The following FHIT variants were observed in gnomAD, a reference collection of about 807,000 sequenced individuals.
The protein encoded by FHIT is bis(5'-adenosyl)-triphosphatase.
In FHIT, 19 loss-of-function variants were observed where a neutral mutation model predicts 17.9. The ratio of observed to expected loss-of-function variants is 1.06; its 90% CI spans 0.74 to 1.56. The LOEUF (loss-of-function observed/expected upper bound fraction) is 1.56. Ranked by LOEUF, FHIT falls within the 40% of genes most tolerant of loss-of-function variation. The pLI is 0.00. For synonymous variants in FHIT, 81 were observed against 69.7 expected, an observed-to-expected ratio of 1.16 and a Z score of -0.81; for missense variants, 248 against 189.2, an observed-to-expected ratio of 1.31 and a Z score of -1.82.
intron 5 of FHIT, among the ~76,000 whole-genome samples, chr3:60,385,492 G>C (rs1700972309): frequency 6.6e-6 from 1 of 152,100 alleles, no homozygotes; most frequent in Non-Finnish European, 1.5e-5. Flanking sequence ...AAAGGAAATA[G>C]CAACTTTGAA....
At chr3:60,030,893 T>C (rs1700971233) in intron 5 of FHIT, among the ~76,000 whole-genome samples, 1 of 152,062 alleles carries the variant, frequency 6.6e-6, no homozygotes, top group Non-Finnish European at 1.5e-5. Flanking sequence ...AAGTAGAGAG[T>C]AGAAAAAATA....
At chr3:60,046,324 A>C (rs541153809) in intron 5 of FHIT, among the ~76,000 whole-genome samples, 1 of 152,348 alleles carries the variant, frequency 6.6e-6, no homozygotes, top group East Asian at 1.9e-4. Context: ...GATTTTGAAC[A>C]GAACACCAAT....
At chr3:60,713,740 T>A (rs1304602183) in intron 4 of FHIT, among the ~76,000 whole-genome samples, 3 of 152,126 alleles carry the variant, frequency 2.0e-5, no homozygotes, top group Middle Eastern at 3.2e-3. Flanking sequence ...GAGGAAGAAG[T>A]TGAATCTCTG....
chr3:60,194,055 A>G (rs1360386868), intron 5 of FHIT, among the ~76,000 whole-genome samples: 1 of 152,314 alleles, frequency 6.6e-6, no homozygotes, highest in Admixed American at 6.5e-5. Flanking sequence ...TTCCTATCAA[A>G]AAACCATTTT....
chr3:61,227,738 TC>T, intron 1 of FHIT, among the ~76,000 whole-genome samples: 1 of 152,324 alleles, frequency 6.6e-6, no homozygotes, highest in African/African-American at 2.4e-5. Flanking sequence ...AGAACTTTTT[TC>T]CATGGGATCA....
At chr3:60,006,672 A>G (rs1370158438) in intron 7 of FHIT, among the ~76,000 whole-genome samples, 3 of 151,974 alleles carry the variant, frequency 2.0e-5, no homozygotes, top group African/African-American at 7.2e-5. Context: ...AAAAACAAGG[A>G]AATTGATGTT....
chr3:60,913,907 C>G (rs1553766506), intron 3 of FHIT, among the ~76,000 whole-genome samples: 1 of 152,202 alleles, frequency 6.6e-6, no homozygotes, highest in Non-Finnish European at 1.5e-5. Flanking sequence ...GGCTCCAAGA[C>G]AGTGAAGTCA....
intron 1 of FHIT, among the ~76,000 whole-genome samples, chr3:61,216,978 A>T (rs2039698444): frequency 8.4e-6 from 1 of 118,700 alleles, no homozygotes; most frequent in African/African-American, 3.2e-5. Flanking sequence ...GGAATATCAC[A>T]CTCTGGGGAC....
intron 5 of FHIT, among the ~76,000 whole-genome samples, chr3:60,157,831 T>G (rs1700767990): frequency 1.2e-5 from 1 of 82,948 alleles, no homozygotes; most frequent in Non-Finnish European, 2.7e-5. Context: ...GCAGATTCAG[T>G]GACCTCACAA....
chr3:59,986,520 TATATATATATATATATATATAC>T (rs1343545726), intron 7 of FHIT, among the ~76,000 whole-genome samples: 1 of 13,114 alleles, frequency 7.6e-5, no homozygotes, highest in African/African-American at 2.9e-4. Context: ...TATATATATA[TATATATATATATATATATATAC>T]ACACACACAC....
At chr3:60,952,717 T>C (rs1471364901) in intron 3 of FHIT, among the ~76,000 whole-genome samples, 8 of 152,208 alleles carry the variant, frequency 5.3e-5, no homozygotes, top group Non-Finnish European at 1.0e-4. Context: ...CGTCCAGCTA[T>C]ACCAGAAGGA....
chr3:60,897,692 T>C (rs1553762231), intron 3 of FHIT, among the ~76,000 whole-genome samples: 1 of 152,216 alleles, frequency 6.6e-6, no homozygotes. Flanking sequence ...CCTTTATTTC[T>C]GCAGGCCCTT....
intron 3 of FHIT, among the ~76,000 whole-genome samples, chr3:60,861,190 T>TATATCATATCATATATGATATATATC (rs1703819408): frequency 3.3e-4 from 1 of 2,988 alleles, no homozygotes; most frequent in Non-Finnish European, 6.1e-4. Context: ...ATATATGATA[T>TATATCATATCATATATGATATATATC]ATATCATATA....
chr3:60,534,264 A>G (rs1391813052), intron 5 of FHIT, among the ~76,000 whole-genome samples: 4 of 93,512 alleles, frequency 4.3e-5, no homozygotes, highest in Non-Finnish European at 8.7e-5. Context: ...CGTCTCTACT[A>G]AAAATACAAA....
intron 8 of FHIT, among the ~76,000 whole-genome samples, chr3:59,880,431 TG>T (rs1703361801): frequency 6.6e-6 from 1 of 152,180 alleles, no homozygotes; most frequent in African/African-American, 2.4e-5. Flanking sequence ...GAACCATGTC[TG>T]TCTGGACCAC....
intron 8 of FHIT, among the ~76,000 whole-genome samples, chr3:59,764,748 T>C (rs1311366918): frequency 6.6e-6 from 1 of 151,958 alleles, no homozygotes; most frequent in African/African-American, 2.4e-5. Flanking sequence ...CTAACCAGAA[T>C]ACTTGAAAGA....
intron 7 of FHIT, among the ~76,000 whole-genome samples, chr3:59,987,012 TAAA>T (rs1349511414): frequency 2.2e-3 from 267 of 122,888 alleles, no homozygotes; most frequent in African/African-American, 7.5e-3. Context: ...TATTAAAAAA[TAAA>T]AAAATAAAAA....
chr3:60,172,511 G>T (rs913005564), intron 5 of FHIT, among the ~76,000 whole-genome samples: 81 of 151,924 alleles, frequency 5.3e-4, no homozygotes, highest in African/African-American at 1.9e-3. Flanking sequence ...CCCAACCTCA[G>T]GTGATCCGCC....
At chr3:60,114,299 C>T (rs1704846458) in intron 5 of FHIT, among the ~76,000 whole-genome samples, 1 of 150,106 alleles carries the variant, frequency 6.7e-6, no homozygotes, top group Admixed American at 6.7e-5. Context: ...ATTTAAAAAT[C>T]TCCAACTCCT....
Sources: gnomAD v4.1 joint callset for allele counts (sites outside exome capture counted in the v4.1 genomes callset) on GRCh38, gnomAD v4.1.1 for gene constraint, MANE v1.5 for transcripts, NCBI Gene and HGNC (gene_info 2026-07-23, HGNC 2026-07-21) for gene names.